Variants in TMEM201 observed in about 807,000 individuals in gnomAD.
TMEM201 encodes transmembrane protein 201.
Under a neutral mutation model 63.4 loss-of-function variants are expected in TMEM201, and 26 were observed. The ratio of observed to expected loss-of-function variants is 0.41; its 90% CI spans 0.30 to 0.57. TMEM201 has a LOEUF of 0.57. TMEM201 is among the 20% of genes least tolerant of loss of function. TMEM201 has a pLI of 0.29. For synonymous variants in TMEM201, 417 were observed against 421.6 expected (o/e 0.99, Z 0.14); for missense variants, 794 against 917.7 (o/e 0.87, Z 1.74).
intron 1 of TMEM201, 120 bp downstream of exon 1, chr1:9,589,163 C>T (rs577934033): frequency 7.8e-6 from 2 of 254,922 alleles, no homozygotes; most frequent in Non-Finnish European, 1.2e-5. Context: ...CGCGCGGAGA[C>T]CCCCGGCGCG....
Position 9,604,234 on chromosome 1 carries a change from T to C in TMEM201, c.1160+1962T>C. 3.0e-6 allele frequency: 3 copies of C among 985,436 alleles called. No homozygotes were observed. The highest frequency in any genetic ancestry group is 3.6e-6 in the Non-Finnish European group (3 of 829,940). 61.0% of individuals were successfully genotyped at this position (985,436 alleles called of 1,614,324 possible). ...AGCAGGACATCTGTGTGTATGTGCG[T>C]ATTTAAATTAGATTATTTATAATAA... On this transcript the variant is annotated intron_variant, in intron 6 of 10. Coordinates refer to ENST00000340381, the MANE Select transcript of TMEM201 (RefSeq NM_001130924.3). This position sits in a 1 kb window ranked among gnomAD's most constrained non-coding sequence, Gnocchi z 4.1.
In TMEM201 at chr1:9,603,848, A is replaced by C. The variant is rs1644193906; in HGVS notation, c.1160+1576A>C. Reference sequence around the variant, plus strand: ...TGCCCGATGACCTGCGTGGCTTCAGACAAGGCCCCAGCGTTACTGGGCTCA... The same window carrying C: ...TGCCCGATGACCTGCGTGGCTTCAGCCAAGGCCCCAGCGTTACTGGGCTCA... On this transcript the variant is annotated intron_variant, in intron 6 of 10. Transcript: ENST00000340381. The surrounding 1 kb of genome is among the most constrained non-coding windows in gnomAD (Gnocchi z 4.5). The C allele has an allele frequency of 6.1e-6, 6 of 985,446 alleles. No homozygotes were observed. In the South Asian group the frequency reaches 1.4e-4, roughly 23 times the overall value. The allele number at this position is 985,446 out of a possible 1,614,324, so 61.0% of individuals were successfully genotyped here.
At position 9,608,511 on chromosome 1, in the gene TMEM201, T is replaced by C. The variant is rs1298822993; in HGVS notation, c.1393+722T>C. ...ACACACGCCAAGGTTTATATTAGGA[T>C]GCTTTTGCTTTTCCCCTAAGCAGAG... On this transcript the variant is annotated intron_variant, in intron 7 of 10. Coordinates refer to ENST00000340381, the MANE Select transcript of TMEM201 (RefSeq NM_001130924.3). This position sits in a 1 kb window ranked among gnomAD's most constrained non-coding sequence, Gnocchi z 4.3. Among the ~76,000 whole-genome samples the C allele has an allele frequency of 1.3e-5, 2 of 152,208 alleles. No homozygotes were observed. The highest frequency in any genetic ancestry group is 2.9e-5 in the Non-Finnish European group (2 of 68,042).
chr1:9,595,830 G>A (rs771571213), intron 1 of TMEM201, 60 bp from the exon 2 acceptor site: 16 of 1,605,208 alleles, frequency 1.0e-5, no homozygotes, highest in Non-Finnish European at 1.4e-5. Context: ...GGGCATGGAG[G>A]TCCCTCTCCA....
chr1:9,611,283 C>T (rs1045015302), intron 9 of TMEM201, among the ~76,000 whole-genome samples: 11 of 151,520 alleles, frequency 7.3e-5, no homozygotes, highest in African/African-American at 2.7e-4. Context: ...CTGCAACCTC[C>T]TCCTCCAGGG....
chr1:9,611,545 C>G (rs1370970663), intron 9 of TMEM201, among the ~76,000 whole-genome samples: 1 of 152,196 alleles, frequency 6.6e-6, no homozygotes, highest in African/African-American at 2.4e-5. Context: ...GAGATCTGGT[C>G]ACCTTGGGCC....
At chr1:9,601,586 G>A (rs1471927722) in intron 5 of TMEM201, 132 bp downstream of exon 5, 1 of 943,496 alleles carries the variant, frequency 1.1e-6, no homozygotes, top group African/African-American at 1.7e-5. Flanking sequence ...CTGGTACAAG[G>A]CTTGGTCCCA....
chr1:9,597,034 C>T lies in TMEM201; in HGVS notation c.410C>T (p.Ala137Val). 1 of 1,606,640 alleles carries T rather than the reference C, an allele frequency of 6.2e-7. No homozygotes were observed. The highest frequency in any genetic ancestry group is 8.5e-7 in the Non-Finnish European group (1 of 1,174,972). Residue 137 changes from alanine (A) to valine (V), a missense_variant, in exon 3 of 11, where the codon GCC (alanine) becomes GTC (valine). Coordinates refer to ENST00000340381, the MANE Select transcript of TMEM201 (RefSeq NM_001130924.3). The part of the protein sequence containing the change: ...HQTTKIKQLA[A>V]FAPREEGRYD... ...ACCACCAAGATCAAGCAGCTGGCCG[C>T]CTTCGCTCCCCGCGAGGAGGTGAGG...
At chr1:9,602,484 A>G in intron 6 of TMEM201, 1 of 1,417,384 alleles carries the variant, frequency 7.1e-7, no homozygotes, top group Non-Finnish European at 9.2e-7. Flanking sequence ...ACCACCAGCC[A>G]TCCCCGAGTG....
At position 9,607,913 on chromosome 1, in the gene TMEM201, C is replaced by T. The variant is rs946313319; in HGVS notation, c.1393+124C>T. On this transcript the variant is annotated intron_variant, in intron 7 of 10. Coordinates refer to ENST00000340381, the MANE Select transcript of TMEM201 (RefSeq NM_001130924.3). The surrounding 1 kb of genome is among the most constrained non-coding windows in gnomAD (Gnocchi z 5.4). Reference sequence around the variant, plus strand: ...GTGTTCCTGCTGCAGAGACAGGCAGCACAGAGCTTTGAGCCTCAGTTCCCC... The same window carrying T: ...GTGTTCCTGCTGCAGAGACAGGCAGTACAGAGCTTTGAGCCTCAGTTCCCC... 5 of 942,754 alleles carry T rather than the reference C, an allele frequency of 5.3e-6. No homozygotes were observed. In the African/African-American group the frequency reaches 8.3e-5, roughly 16 times the overall value. The allele number at this position is 942,754 out of a possible 1,614,324, so 58.4% of individuals were successfully genotyped here.
chr1:9,600,647 G>A (rs959033229), intron 4 of TMEM201, among the ~76,000 whole-genome samples: 11 of 152,250 alleles, frequency 7.2e-5, no homozygotes, highest in Admixed American at 3.3e-4. Flanking sequence ...GGCTGGGCGC[G>A]GTGGCTCACA....
In TMEM201 at chr1:9,604,097, G is replaced by A. The variant is rs1430282757; in HGVS notation, c.1160+1825G>A. On this transcript the variant is annotated intron_variant, in intron 6 of 10. Coordinates refer to ENST00000340381, the MANE Select transcript of TMEM201 (RefSeq NM_001130924.3). The surrounding 1 kb of genome is among the most constrained non-coding windows in gnomAD (Gnocchi z 4.1). Reference sequence around the variant, plus strand: ...GAGAAGGACGTGGTGGAGCCAGGACGGGAAAGCGTCCTGTCGGCTGGCCAT... The same window carrying A: ...GAGAAGGACGTGGTGGAGCCAGGACAGGAAAGCGTCCTGTCGGCTGGCCAT... The A allele has an allele frequency of 1.6e-5, 16 of 985,342 alleles. No individual in the cohort carries two copies. Among genetic ancestry groups the A allele is most frequent in the African/African-American group, 3.5e-5 (2 of 57,238 alleles). The allele number at this position is 985,342 out of a possible 1,614,324, so 61.0% of individuals were successfully genotyped here.
In TMEM201 at chr1:9,610,383, C is replaced by T. The variant is rs907659114; in HGVS notation, c.1466-123C>T. On this transcript the variant is annotated intron_variant, in intron 8 of 10. Coordinates refer to ENST00000340381, the MANE Select transcript of TMEM201 (RefSeq NM_001130924.3). This position sits in a 1 kb window ranked among gnomAD's most constrained non-coding sequence, Gnocchi z 4.9. ...TTGCAGCAGGACTTCCCCCTGTCCC[C>T]AGTCTCTGCACCTTTCCTGTCTTCC... 9.8e-6 allele frequency: 10 copies of T among 1,021,260 alleles called. No individual in the cohort carries two copies. In the African/African-American group the frequency reaches 1.3e-4, roughly 13 times the overall value. The allele number at this position is 1,021,260 out of a possible 1,614,324, so 63.3% of individuals were successfully genotyped here.
Position 9,607,576 on chromosome 1 carries a change from G to A in TMEM201, c.1180G>A (p.Ala394Thr). ...TTGCAGGTTCTTCCCAGGAGACTCT[G>A]CCGGCCTTTTCCCCACCAGCCCCAG... ...RPRRFFPGDSAGLFPTSPSLA... is the reference protein window; with the variant it reads ...RPRRFFPGDSTGLFPTSPSLA... Residue 394 changes from alanine to threonine, a missense_variant, in exon 7 of 11, where the codon GCC (alanine) becomes ACC (threonine). By Grantham distance (58) the Ala-to-Thr change is moderately conservative. Coordinates refer to ENST00000340381, the MANE Select transcript of TMEM201 (RefSeq NM_001130924.3). This position sits in a 1 kb window ranked among gnomAD's most constrained non-coding sequence, Gnocchi z 5.4. The A allele has an allele frequency of 1.9e-6, 3 of 1,550,408 alleles. No homozygotes were observed. The highest frequency in any genetic ancestry group is 2.6e-6 in the Non-Finnish European group (3 of 1,146,418).
intron 3 of TMEM201, among the ~76,000 whole-genome samples, chr1:9,598,045 C>G (rs1235633549): frequency 6.6e-6 from 1 of 152,204 alleles, no homozygotes; most frequent in Non-Finnish European, 1.5e-5. Context: ...AGCGGAAGGG[C>G]AAGCGCCACA....
chr1:9,602,683 G>C (rs900289498), intron 6 of TMEM201: 25 of 1,109,602 alleles, frequency 2.3e-5, no homozygotes, highest in Non-Finnish European at 2.8e-5. Flanking sequence ...TGGTCCTGCT[G>C]TCTTCCCTTC....
Position 9,610,408 on chromosome 1 carries a change from C to T in TMEM201, c.1466-98C>T, listed in dbSNP as rs568239594. The T allele has an allele frequency of 1.4e-4, 168 of 1,237,110 alleles. 2 individuals are homozygous for T. The South Asian group carries it at 2.4e-3, about 18-fold the overall frequency. The allele number at this position is 1,237,110 out of a possible 1,614,324, so 76.6% of individuals were successfully genotyped here. A position where few individuals can be genotyped will look rare whatever the true frequency, so the allele number is the denominator to read the frequency against. ...CAGTCTCTGCACCTTTCCTGTCTTC[C>T]CGGGTTAATAGAAGAATGCCCCCAG... On this transcript the variant is annotated intron_variant, in intron 8 of 10. Coordinates refer to ENST00000340381, the MANE Select transcript of TMEM201 (RefSeq NM_001130924.3). The surrounding 1 kb of genome is among the most constrained non-coding windows in gnomAD (Gnocchi z 4.9).
intron 5 of TMEM201, 56 bp downstream of exon 5, chr1:9,601,510 C>T: frequency 6.7e-7 from 1 of 1,495,496 alleles, no homozygotes; most frequent in East Asian, 2.3e-5. Context: ...TGCTGGATTA[C>T]TGTCTAGGGC....
chr1:9,602,345 C>A, intron 6 of TMEM201, 73 bp downstream of exon 6: 1 of 1,565,136 alleles, frequency 6.4e-7, no homozygotes, highest in South Asian at 1.2e-5. Flanking sequence ...AGGTCCGAAG[C>A]GGGCCCCTCT....
Sources: allele counts gnomAD v4.1 joint callset (sites outside exome capture counted in the v4.1 genomes callset), GRCh38; gene constraint gnomAD v4.1.1; non-coding constraint Gnocchi (gnomAD v3.1); transcripts MANE v1.5; gene names NCBI Gene and HGNC (gene_info 2026-07-23, HGNC 2026-07-21).